The following USP10 variants were observed in gnomAD, a reference collection of about 807,000 sequenced individuals.
USP10 encodes ubiquitin specific peptidase 10.
Under a neutral mutation model 84.5 loss-of-function variants are expected in USP10, and 22 were observed. That is an observed-to-expected ratio of 0.26 (90% CI 0.19 to 0.37). The LOEUF is 0.37. Among genes scored for constraint, USP10 ranks in the 10% least tolerant of loss-of-function variants. USP10 has a pLI of 1.00. For missense variants in USP10, 1,019 were observed against 998.9 expected, an observed-to-expected ratio of 1.02 and a Z score of -0.27; for synonymous variants, 454 against 387.6, an observed-to-expected ratio of 1.17 and a Z score of -2.01.
In USP10 at chr16:84,779,706, T is replaced by C. The variant is rs1468795991; in HGVS notation, c.*624T>C. On this transcript the variant is annotated 3_prime_UTR_variant, in exon 14 of 14. Transcript: ENST00000219473. ...GTTAGTCTACATAGATGGGTGATTGTAACTTTATTGCCATTAAAAGATTTC... is the reference window on the plus strand; with the variant it reads ...GTTAGTCTACATAGATGGGTGATTGCAACTTTATTGCCATTAAAAGATTTC... 1 of 152,732 alleles carries C rather than the reference T, an allele frequency of 6.5e-6. No individual in the cohort carries two copies. Among genetic ancestry groups the C allele is most frequent in the Non-Finnish European group, 1.5e-5 (1 of 68,080 alleles). The allele number at this position is 152,732 out of a possible 1,614,324, so 9.5% of individuals were successfully genotyped here.
At chr16:84,775,958 C>A (rs1914968590) in intron 13 of USP10, among the ~76,000 whole-genome samples, 1 of 152,094 alleles carries the variant, frequency 6.6e-6, no homozygotes, top group Non-Finnish European at 1.5e-5. Context: ...GCTTCCCAGG[C>A]TGTTTTTACT....
chr16:84,713,890 G>A (rs1362040742), intron 1 of USP10, among the ~76,000 whole-genome samples: 4 of 152,254 alleles, frequency 2.6e-5, no homozygotes, highest in Non-Finnish European at 4.4e-5. Context: ...AAGACCTGGC[G>A]TGTGCCGTGT....
At chr16:84,738,490 G>T (rs150177753) in intron 2 of USP10, among the ~76,000 whole-genome samples, 1 of 152,108 alleles carries the variant, frequency 6.6e-6, no homozygotes, top group Non-Finnish European at 1.5e-5. Flanking sequence ...ACACATGGCC[G>T]CTGTGTCCAC....
intron 10 of USP10, among the ~76,000 whole-genome samples, chr16:84,764,649 G>A (rs548749259): frequency 3.4e-4 from 52 of 152,212 alleles, no homozygotes; most frequent in African/African-American, 1.2e-3. Context: ...TGATCAACAT[G>A]GTGAAACCCC....
In USP10 at chr16:84,709,596, G is replaced by T. The variant is rs569101082; in HGVS notation, c.21+9485G>T. 3.9e-5 allele frequency among the ~76,000 whole-genome samples: 6 copies of T among 152,206 alleles called. No individual in the cohort carries two copies. The South Asian group carries it at 1.3e-3, about 32-fold the overall frequency. ...CAGTGGCCATAAGGAGATCATTTAG[G>T]GCAGGGTCCTTGGACTTTTGACTCG... On this transcript the variant is annotated intron_variant, in intron 1 of 13. Transcript: ENST00000219473.
In USP10 at chr16:84,779,013, C is replaced by T. The variant is rs755147044; in HGVS notation, c.2328C>T (p.Tyr776=). The change falls in exon 14 of 14, where the codon TAC becomes TAT. Residue 776 remains tyrosine (Y), a synonymous_variant. Transcript: ENST00000219473. ...AGACAGTCAAGGTGATCAACCAGTA[C>T]CAGGTGGTGAAACCAACTGCTGAAC... is the stretch of plus-strand genomic sequence containing the variant. The part of the protein sequence containing the change: ...DDQTVKVINQ[Y]QVVKPTAERT... The T allele has an allele frequency of 1.9e-6, 3 of 1,613,928 alleles. No homozygotes were observed. Among genetic ancestry groups the T allele is most frequent in the African/African-American group, 2.7e-5 (2 of 74,936 alleles).
chr16:84,763,973 T>C, intron 9 of USP10, 113 bp from the exon 10 acceptor site: 1 of 1,362,936 alleles, frequency 7.3e-7, no homozygotes, highest in Non-Finnish European at 9.8e-7. Context: ...TGGCTCCTAA[T>C]GTAGACCACA....
chr16:84,714,917 A>G (rs1388701716), intron 1 of USP10, among the ~76,000 whole-genome samples: 1 of 148,288 alleles, frequency 6.7e-6, no homozygotes, highest in Non-Finnish European at 1.5e-5. Context: ...AGTTCTGATT[A>G]TTATTATTAT....
At chr16:84,728,481 A>C (rs1377298936) in intron 1 of USP10, among the ~76,000 whole-genome samples, 1 of 151,962 alleles carries the variant, frequency 6.6e-6, no homozygotes, top group Non-Finnish European at 1.5e-5. Context: ...CTGGGACTAC[A>C]AGCATGTGCC....
intron 12 of USP10, among the ~76,000 whole-genome samples, chr16:84,774,471 TG>T (rs376655203): frequency 2.0e-5 from 3 of 151,646 alleles, no homozygotes; most frequent in Non-Finnish European, 4.4e-5. Flanking sequence ...AGTTTTGTTT[TG>T]TTTTTTTTTT....
At chr16:84,715,735 A>G (rs1211607158) in intron 1 of USP10, among the ~76,000 whole-genome samples, 1 of 152,188 alleles carries the variant, frequency 6.6e-6, no homozygotes, top group Non-Finnish European at 1.5e-5. Flanking sequence ...GAAATTCCAG[A>G]GGTAGATCAG....
At chr16:84,757,966 C>T (rs1438109701) in intron 4 of USP10, among the ~76,000 whole-genome samples, 1 of 152,198 alleles carries the variant, frequency 6.6e-6, no homozygotes, top group Non-Finnish European at 1.5e-5. Flanking sequence ...TTAGAAGATT[C>T]ATAGTGGGAC....
chr16:84,773,107 G>A (rs757512087), intron 12 of USP10, among the ~76,000 whole-genome samples: 10 of 152,262 alleles, frequency 6.6e-5, no homozygotes, highest in Non-Finnish European at 1.2e-4. Flanking sequence ...TTGTGGTGGC[G>A]CACAAATAAG....
chr16:84,771,306 C>T (rs539347190), intron 11 of USP10, among the ~76,000 whole-genome samples: 5 of 152,056 alleles, frequency 3.3e-5, no homozygotes, highest in African/African-American at 1.2e-4. Context: ...AATCCCAGCA[C>T]GGTGGGAGAC....
At position 84,744,854 on chromosome 16, in the gene USP10, G is replaced by T. The variant is rs1285640531; in HGVS notation, c.373G>T (p.Asp125Tyr). ...GTACCCAGGCTCTGCCCTCGCTTTGGATGGAAGTTCTAATGTGGAGGCGGA... is the reference window on the plus strand; with the variant it reads ...GTACCCAGGCTCTGCCCTCGCTTTGTATGGAAGTTCTAATGTGGAGGCGGA... The part of the protein sequence containing the change: ...CQYPGSALAL[D>Y]GSSNVEAEVL... The change falls in exon 4 of 14, where the codon GAT becomes TAT. Residue 125 changes from aspartate to tyrosine, a missense_variant. Physicochemically the swap from Asp to Tyr is radical, Grantham distance 160. Transcript: ENST00000219473. 2.4e-5 allele frequency: 38 copies of T among 1,613,716 alleles called. No homozygotes were observed. The highest frequency in any genetic ancestry group is 3.1e-5 in the Non-Finnish European group (37 of 1,179,708).
At chr16:84,772,775 G>T (rs1452584674) in intron 12 of USP10, 90 bp downstream of exon 12, 5 of 1,500,206 alleles carry the variant, frequency 3.3e-6, no homozygotes, top group Non-Finnish European at 4.5e-6. Flanking sequence ...ATGATGTCAA[G>T]AGTGAGGACA....
chr16:84,713,749 G>C (rs1239478396), intron 1 of USP10, among the ~76,000 whole-genome samples: 1 of 152,146 alleles, frequency 6.6e-6, no homozygotes, highest in East Asian at 1.9e-4. Context: ...TCACAGGAGA[G>C]TCCCCGGGGA....
chr16:84,775,068 C>G, intron 12 of USP10, 92 bp from the exon 13 acceptor site: 3 of 1,105,328 alleles, frequency 2.7e-6, no homozygotes, highest in South Asian at 1.2e-5. Flanking sequence ...AGGCAGTTTA[C>G]TTGCTGGGGA....
At chr16:84,712,504 C>G (rs904631894) in intron 1 of USP10, among the ~76,000 whole-genome samples, 3 of 152,188 alleles carry the variant, frequency 2.0e-5, no homozygotes, top group Admixed American at 6.5e-5. Flanking sequence ...TTGAAGCAAA[C>G]AGAGAACAGC....
Sources: gnomAD v4.1 joint callset for allele counts (sites outside exome capture counted in the v4.1 genomes callset) on GRCh38, gnomAD v4.1.1 for gene constraint, MANE v1.5 for transcripts, NCBI Gene and HGNC (gene_info 2026-07-23, HGNC 2026-07-21) for gene names.